Variants in AMD1 observed in about 807,000 individuals in gnomAD.
AMD1 encodes the protein adenosylmethionine decarboxylase 1.
In AMD1, 11 loss-of-function variants were observed where a neutral mutation model predicts 40.2. The observed-to-expected ratio is 0.27, with a 90% CI of 0.17 to 0.45. AMD1 has a LOEUF of 0.45. AMD1 is among the 20% of genes least tolerant of loss of function. AMD1 has a pLI of 1.00. For synonymous variants in AMD1, 121 were observed against 130.8 expected (o/e 0.93, Z 0.51); for missense variants, 257 against 410.2 (o/e 0.63, Z 3.23).
At chr6:110,858,470 T>G in the AMD1 span, 3 of 1,229,492 alleles carry the variant, frequency 2.4e-6, no homozygotes, top group South Asian at 3.6e-5. Context: ...GATCAACCGT[T>G]CCATGCAGAA....
the AMD1 span, among the ~76,000 whole-genome samples, chr6:110,844,045 G>A: frequency 1.3e-5 from 2 of 152,000 alleles, no homozygotes; most frequent in Admixed American, 6.6e-5. Context: ...TGAAGATTAG[G>A]ACATTGATAT....
the AMD1 span, chr6:110,816,068 A>C: frequency 6.6e-6 from 1 of 152,064 alleles, no homozygotes; most frequent in South Asian, 2.1e-4. Flanking sequence ...ACGATGCAAA[A>C]ACCGTATTTC....
the AMD1 span, among the ~76,000 whole-genome samples, chr6:110,849,034 G>A: frequency 6.6e-6 from 1 of 152,134 alleles, no homozygotes; most frequent in Non-Finnish European, 1.5e-5. Context: ...TTCTAGAACT[G>A]TAGAAGAGAT....
intron 4 of AMD1, 109 bp downstream of exon 4, chr6:110,890,465 C>A: frequency 2.6e-6 from 2 of 775,886 alleles, no homozygotes; most frequent in Non-Finnish European, 4.2e-6. Flanking sequence ...ATTCTACACA[C>A]ACTAATACTT....
At chr6:110,827,717 A>G in the AMD1 span, among the ~76,000 whole-genome samples, 1 of 150,032 alleles carries the variant, frequency 6.7e-6, no homozygotes, top group Non-Finnish European at 1.5e-5. Flanking sequence ...GTGAGCTGAG[A>G]TCGTGCCACT....
the AMD1 span, among the ~76,000 whole-genome samples, chr6:110,861,042 C>A: frequency 4.6e-5 from 7 of 151,826 alleles, no homozygotes; most frequent in African/African-American, 1.5e-4. Context: ...TGGTGAAACC[C>A]AGTCTCTACA....
At chr6:110,887,681 G>A (rs1785770600) in intron 2 of AMD1, 90 bp downstream of exon 2, 2 of 976,980 alleles carry the variant, frequency 2.0e-6, no homozygotes, top group East Asian at 2.8e-5. Context: ...TAGTTCTGGG[G>A]GTTTTTTTGT....
the AMD1 span, among the ~76,000 whole-genome samples, chr6:110,840,610 GAGTTCAGCTCTGGGAAGCTCTAGGAAACC>G: frequency 4.6e-5 from 7 of 152,206 alleles, no homozygotes; most frequent in East Asian, 1.4e-3. Flanking sequence ...GAACATTCAG[GAGTTCAGCTCTGGGAAGCTCTAGGAAACC>G]AGTCCTCTCG....
In AMD1 at chr6:110,893,057, G is replaced by T; in HGVS notation, c.856G>T (p.Val286Phe). 1 of 1,597,606 alleles carries T rather than the reference G, an allele frequency of 6.3e-7. No individual in the cohort carries two copies. The highest frequency in any genetic ancestry group is 8.5e-7 in the Non-Finnish European group (1 of 1,174,584). ...AGGAAAATTTGTGACCACCTTGTTT[G>T]TTAATCAGGTAATTTTATATTTTAT... ...KPGKFVTTLFVNQSSKCRTVL... is the reference protein window; with the variant it reads ...KPGKFVTTLFFNQSSKCRTVL... The change falls in exon 8 of 9, where the codon GTT becomes TTT. Residue 286 changes from valine (V) to phenylalanine (F), a missense_variant. This residue lies in a region of AMD1 where 192 missense variants were observed against 296.5 expected (regional missense o/e 0.65). Coordinates refer to ENST00000368885, the MANE Select transcript of AMD1 (RefSeq NM_001634.6).
the AMD1 span, among the ~76,000 whole-genome samples, chr6:110,817,461 T>C: frequency 6.6e-6 from 1 of 151,960 alleles, no homozygotes; most frequent in Non-Finnish European, 1.5e-5. Context: ...ATGCAAAAAT[T>C]AGCCAGGTGT....
the AMD1 span, among the ~76,000 whole-genome samples, chr6:110,836,453 A>G: frequency 6.6e-6 from 1 of 152,200 alleles, no homozygotes; most frequent in Non-Finnish European, 1.5e-5. Flanking sequence ...AAAATACTAC[A>G]CAACAGTATA....
chr6:110,835,272 C>G, the AMD1 span, among the ~76,000 whole-genome samples: 4 of 151,754 alleles, frequency 2.6e-5, no homozygotes, highest in Non-Finnish European at 5.9e-5. Context: ...CCCGCCTCAG[C>G]CTCCCAAAGT....
the AMD1 span, chr6:110,815,200 T>TCC: frequency 7.3e-5 from 97 of 1,324,986 alleles, no homozygotes; most frequent in Non-Finnish European, 9.3e-5. Context: ...CTCCTCCTCC[T>TCC]CCCCCCGCGA....
chr6:110,814,673 G>A, the AMD1 span: 2 of 525,902 alleles, frequency 3.8e-6, no homozygotes, highest in East Asian at 5.0e-5. Flanking sequence ...TGCCCGCTGC[G>A]TTCCCCCAAG....
chr6:110,836,587 A>T, the AMD1 span, among the ~76,000 whole-genome samples: 1 of 152,170 alleles, frequency 6.6e-6, no homozygotes, highest in Non-Finnish European at 1.5e-5. Context: ...TTCACAGGAA[A>T]CTTCTATGCT....
At chr6:110,884,427 G>A (rs1215647799) in intron 1 of AMD1, among the ~76,000 whole-genome samples, 1 of 152,194 alleles carries the variant, frequency 6.6e-6, no homozygotes, top group Non-Finnish European at 1.5e-5. Context: ...TGTGCTACAA[G>A]TTGTAAGGGT....
At chr6:110,874,624 C>T (rs1784994210), upstream of AMD1, 2 of 154,950 alleles carry the variant, frequency 1.3e-5, no homozygotes, top group Admixed American at 6.5e-5. Context: ...TGGGCAGCTC[C>T]CCGCGCTCTC....
chr6:110,893,910 T>G lies in AMD1; in HGVS notation c.*294T>G, dbSNP rs1786172502. On this transcript the variant is annotated 3_prime_UTR_variant, in exon 9 of 9. Coordinates refer to ENST00000368885, the MANE Select transcript of AMD1 (RefSeq NM_001634.6). Reference sequence around the variant, plus strand: ...ACTATATGAAACTTTACAACACTTGTGAAAGCAACTCAATTTGGTTTATGC... The same window carrying G: ...ACTATATGAAACTTTACAACACTTGGGAAAGCAACTCAATTTGGTTTATGC... 6.2e-6 allele frequency: 2 copies of G among 320,836 alleles called. No individual in the cohort carries two copies. Among genetic ancestry groups the G allele is most frequent in the African/African-American group, 2.1e-5 (1 of 47,274 alleles). The allele number at this position is 320,836 out of a possible 1,614,324, so 19.9% of individuals were successfully genotyped here.
At chr6:110,875,435 G>T in intron 1 of AMD1, 2 of 516,102 alleles carry the variant, frequency 3.9e-6, no homozygotes, top group South Asian at 4.9e-5. Flanking sequence ...GCCGCGCCTG[G>T]CATTGCCCTG....
Sources: gnomAD v4.1 joint callset for allele counts (sites outside exome capture counted in the v4.1 genomes callset) on GRCh38, gnomAD v4.1.1 for gene constraint, gnomAD v4.1.1 regional missense constraint, MANE v1.5 for transcripts, NCBI Gene and HGNC (gene_info 2026-07-23, HGNC 2026-07-21) for gene names.